The following ECT2 variants were observed in gnomAD, a reference collection of about 807,000 sequenced individuals.
ECT2 encodes protein ECT2.
In ECT2, 61 loss-of-function variants were observed where a neutral mutation model predicts 116.9. That is an observed-to-expected ratio of 0.52 (90% CI 0.42 to 0.65). The LOEUF (loss-of-function observed/expected upper bound fraction) is 0.65, where lower values mean the gene tolerates loss of function less well. ECT2 is among the 30% of genes least tolerant of loss of function. The pLI is 0.00. For synonymous variants in ECT2, 358 were observed against 346.4 expected (o/e 1.03, Z -0.37); for missense variants, 937 against 1,078.7 (o/e 0.87, Z 1.84).
intron 17 of ECT2, among the ~76,000 whole-genome samples, chr3:172,786,125 C>T (rs1723570120): frequency 6.6e-6 from 1 of 152,068 alleles, no homozygotes; most frequent in South Asian, 2.1e-4. Flanking sequence ...TGTGATGTAG[C>T]CATGGGCCCC....
intron 15 of ECT2, among the ~76,000 whole-genome samples, chr3:172,782,509 C>G (rs979803277): frequency 6.6e-6 from 1 of 152,060 alleles, no homozygotes; most frequent in Non-Finnish European, 1.5e-5. Flanking sequence ...TCATAAATGG[C>G]CACAGATTGT....
intron 6 of ECT2, 95 bp downstream of exon 6, chr3:172,759,164 A>G (rs950165699): frequency 1.2e-6 from 1 of 826,464 alleles, no homozygotes; most frequent in Non-Finnish European, 1.8e-6. Flanking sequence ...TTTTATTTTT[A>G]AAATATTGAA....
chr3:172,759,756 C>G (rs1484895827), intron 6 of ECT2, among the ~76,000 whole-genome samples: 3 of 152,036 alleles, frequency 2.0e-5, no homozygotes, highest in Admixed American at 1.3e-4. Flanking sequence ...AAAGTTCTTT[C>G]TTTGGTTCAC....
intron 12 of ECT2, among the ~76,000 whole-genome samples, chr3:172,768,338 A>G (rs1297392109): frequency 2.0e-5 from 3 of 152,166 alleles, no homozygotes; most frequent in African/African-American, 7.2e-5. Context: ...CCAAAGGGAC[A>G]TATTCTGCCA....
downstream of ECT2, among the ~76,000 whole-genome samples, chr3:172,822,330 C>G (rs549264528): frequency 6.6e-6 from 1 of 151,996 alleles, no homozygotes; most frequent in Admixed American, 6.6e-5. Context: ...GCATGTTCTT[C>G]TAACAGAAAC....
intron 5 of ECT2, 79 bp from the exon 6 acceptor site, chr3:172,758,901 A>G (rs1717637066): frequency 9.8e-6 from 12 of 1,223,674 alleles, no homozygotes; most frequent in Non-Finnish European, 9.3e-6. Context: ...GGGGAAATGA[A>G]ATATATTTAG....
chr3:172,822,668 GATAAT>G (rs1314855981), downstream of ECT2, among the ~76,000 whole-genome samples: 1 of 151,902 alleles, frequency 6.6e-6, no homozygotes, highest in Non-Finnish European at 1.5e-5. Context: ...CAATCAAAAA[GATAAT>G]ATAAGAAAGA....
At position 172,810,049 on chromosome 3, in the gene ECT2, A is replaced by T. The variant is rs936416506; in HGVS notation, c.2400+2125A>T. Among the ~76,000 whole-genome samples, 9 of 152,146 alleles carry T rather than the reference A, an allele frequency of 5.9e-5. 1 individual carries two copies. On this transcript the variant is annotated intron_variant, in intron 22 of 24. Coordinates refer to ENST00000392692, the MANE Select transcript of ECT2 (RefSeq NM_001258315.2). ...ATTTTTGGTCTCTTGCCAACATGTA[A>T]CCTTTAATTGCATGGTCTGTACTCT...
At position 172,802,680 on chromosome 3, in the gene ECT2, G is replaced by A; in HGVS notation, c.1972G>A (p.Val658Ile). 6.2e-7 allele frequency: 1 copy of A among 1,602,210 alleles called. No individual in the cohort carries two copies. Among genetic ancestry groups the A allele is most frequent in the South Asian group, 1.1e-5 (1 of 88,162 alleles). Reference protein sequence around the residue: ...QKQIFDVVYEVDGCPANLLSS... With the variant: ...QKQIFDVVYEIDGCPANLLSS... ...GCAAATTTTTGATGTTGTTTATGAA[G>A]TAGATGGATGCCCAGTAAGTATTCT... The change falls in exon 19 of 25, where the codon GTA becomes ATA. Residue 658 changes from valine to isoleucine, a missense_variant. Transcript: ENST00000392692.
At chr3:172,817,272 T>C (rs888841625) in intron 24 of ECT2, among the ~76,000 whole-genome samples, 2 of 152,100 alleles carry the variant, frequency 1.3e-5, no homozygotes, top group Non-Finnish European at 2.9e-5. Context: ...TTTTTAAATA[T>C]TTATATCCAA....
At position 172,762,706 on chromosome 3, in the gene ECT2, C is replaced by T. The variant is rs774113446; in HGVS notation, c.905C>T (p.Pro302Leu). The change falls in exon 10 of 25, where the codon CCG (proline) becomes CTG (leucine). Residue 302 changes from proline to leucine, a missense_variant. By Grantham distance (98) the Pro-to-Leu change is moderately conservative. Coordinates refer to ENST00000392692, the MANE Select transcript of ECT2 (RefSeq NM_001258315.2). Reference sequence around the variant, plus strand: ...TCCTTTTTAGGAGGTAAATATTTACCGCTTGGAGATGAAAGATGCACTCAC... The same window carrying T: ...TCCTTTTTAGGAGGTAAATATTTACTGCTTGGAGATGAAAGATGCACTCAC... ...MTEMQGGKYLPLGDERCTHLV... is the reference protein window; with the variant it reads ...MTEMQGGKYLLLGDERCTHLV... The T allele has an allele frequency of 8.7e-6, 14 of 1,609,388 alleles. No homozygotes were observed. The highest frequency in any genetic ancestry group is 6.7e-5 in the South Asian group (6 of 89,864).
chr3:172,805,450 C>T lies in ECT2; in HGVS notation c.2107-281C>T, dbSNP rs73028381. ...ATTCCTTGATCCTGTCGCTTCTCAT[C>T]ATGCTTCTAGTTCTTTCATACCTCT... On this transcript the variant is annotated intron_variant, in intron 20 of 24. Coordinates refer to ENST00000392692, the MANE Select transcript of ECT2 (RefSeq NM_001258315.2). Among the ~76,000 whole-genome samples, 846 of 152,232 alleles carry T rather than the reference C, an allele frequency of 5.6e-3. 9 individuals are homozygous for T. Among genetic ancestry groups the T allele is most frequent in the African/African-American group, 0.019 (790 of 41,558 alleles).
At chr3:172,800,712 C>A (rs1275206794) in intron 18 of ECT2, among the ~76,000 whole-genome samples, 2 of 152,168 alleles carry the variant, frequency 1.3e-5, no homozygotes, top group Non-Finnish European at 2.9e-5. Context: ...CTCTGTATGA[C>A]TGATTTGGGT....
At chr3:172,810,034 T>C (rs1438804239) in intron 22 of ECT2, among the ~76,000 whole-genome samples, 1 of 152,196 alleles carries the variant, frequency 6.6e-6, no homozygotes. Flanking sequence ...ATTTTTGGTC[T>C]CTTGCCAACA....
intron 18 of ECT2, among the ~76,000 whole-genome samples, chr3:172,787,487 A>T (rs1490116457): frequency 6.6e-6 from 1 of 152,188 alleles, no homozygotes; most frequent in Non-Finnish European, 1.5e-5. Flanking sequence ...CAAGTCCCCT[A>T]CAGTCAGCAT....
chr3:172,806,839 C>A (rs1045254717), intron 21 of ECT2, among the ~76,000 whole-genome samples: 1 of 151,728 alleles, frequency 6.6e-6, no homozygotes, highest in Non-Finnish European at 1.5e-5. Context: ...GACGGGGTTT[C>A]ACCATGTTGG....
In ECT2 at chr3:172,810,196, G is replaced by A. The variant is rs185437333; in HGVS notation, c.2400+2272G>A. ...AATTTAAGCAACGATAACCTTTCCCGAAGTTTGGTTAGTTTAAAAGTAACT... is the reference window on the plus strand; with the variant it reads ...AATTTAAGCAACGATAACCTTTCCCAAAGTTTGGTTAGTTTAAAAGTAACT... On this transcript the variant is annotated intron_variant, in intron 22 of 24. Coordinates refer to ENST00000392692, the MANE Select transcript of ECT2 (RefSeq NM_001258315.2). 2.8e-3 allele frequency among the ~76,000 whole-genome samples: 432 copies of A among 152,234 alleles called. 3 individuals carry two copies. Among genetic ancestry groups the A allele is most frequent in the African/African-American group, 9.9e-3 (413 of 41,564 alleles).
At chr3:172,826,421 G>C (rs1163419464), downstream of ECT2, among the ~76,000 whole-genome samples, 1 of 152,218 alleles carries the variant, frequency 6.6e-6, no homozygotes, top group African/African-American at 2.4e-5. Flanking sequence ...TAGCATGGTT[G>C]ACTATTTTGA....
intron 13 of ECT2, among the ~76,000 whole-genome samples, chr3:172,773,620 T>C (rs1304082592): frequency 1.3e-5 from 2 of 152,228 alleles, no homozygotes; most frequent in African/African-American, 4.8e-5. Flanking sequence ...TACTCTTGTA[T>C]CATACTAACA....
Sources: allele counts gnomAD v4.1 joint callset (sites outside exome capture counted in the v4.1 genomes callset), GRCh38; gene constraint gnomAD v4.1.1; transcripts MANE v1.5; gene names NCBI Gene and HGNC (gene_info 2026-07-23, HGNC 2026-07-21).